Variants in XKR4 observed in about 807,000 individuals in gnomAD.
The protein encoded by XKR4 is XK-related protein 4.
Under a neutral mutation model 53.9 loss-of-function variants are expected in XKR4, and 12 were observed. The observed-to-expected ratio is 0.22, with a 90% confidence interval of 0.14 to 0.36. The LOEUF is 0.36. XKR4 is among the 10% of genes least tolerant of loss of function. The probability of loss-of-function intolerance (pLI) is 1.00; values close to 1 mark genes in which losing one functional copy is unlikely to be tolerated. For missense variants in XKR4, 799 were observed against 859.5 expected (o/e 0.93, Z 0.88); for synonymous variants, 354 against 362.4 (o/e 0.98, Z 0.26).
chr8:55,265,889 G>A lies in XKR4; in HGVS notation c.807-91789G>A, dbSNP rs1818593098. On this transcript the variant is annotated intron_variant, in intron 1 of 2. Transcript: ENST00000327381. Reference sequence around the variant, plus strand: ...AGTCCCAGCTACTTGGGAGGCTGAGGCAGGAGAATCGCTTGAACCTGGGAG... The same window carrying A: ...AGTCCCAGCTACTTGGGAGGCTGAGACAGGAGAATCGCTTGAACCTGGGAG... Among the ~76,000 whole-genome samples the A allele has an allele frequency of 2.0e-5, 3 of 151,854 alleles. No individual in the cohort carries two copies. In the South Asian group the frequency reaches 6.2e-4, roughly 32 times the overall value.
intron 2 of XKR4, among the ~76,000 whole-genome samples, chr8:55,480,994 A>G (rs537174907): frequency 5.2e-4 from 79 of 152,332 alleles, no homozygotes; most frequent in Non-Finnish European, 9.4e-4. Flanking sequence ...TATAGATTCA[A>G]TGCCATCCCC....
chr8:55,425,204 A>G (rs774297629), intron 2 of XKR4, among the ~76,000 whole-genome samples: 4 of 152,230 alleles, frequency 2.6e-5, no homozygotes, highest in Non-Finnish European at 5.9e-5. Context: ...CCCTGGAGGC[A>G]CACAGTTGGC....
intron 2 of XKR4, among the ~76,000 whole-genome samples, chr8:55,472,375 T>G (rs1376850644): frequency 1.3e-5 from 2 of 152,158 alleles, no homozygotes; most frequent in Non-Finnish European, 2.9e-5. Flanking sequence ...AAATGCAAAT[T>G]CAGTCAGATA....
intron 2 of XKR4, among the ~76,000 whole-genome samples, chr8:55,418,094 A>G (rs1248302725): frequency 1.3e-5 from 2 of 152,230 alleles, no homozygotes; most frequent in Non-Finnish European, 2.9e-5. Flanking sequence ...TTCTTGCTAC[A>G]GAGGCCTCAG....
chr8:55,482,717 T>A (rs1300253495), intron 2 of XKR4, among the ~76,000 whole-genome samples: 2 of 152,198 alleles, frequency 1.3e-5, no homozygotes, highest in Non-Finnish European at 2.9e-5. Flanking sequence ...GAGTCCAATA[T>A]ACACTCAAAG....
intron 1 of XKR4, among the ~76,000 whole-genome samples, chr8:55,299,114 A>G (rs906273417): frequency 1.3e-5 from 2 of 152,168 alleles, no homozygotes; most frequent in Admixed American, 6.5e-5. Context: ...CGTTTTCGTC[A>G]GTCTGGAATA....
In XKR4 at chr8:55,532,933, T is replaced by G. The variant is rs1806976018; in HGVS notation, c.*8706T>G. 3 of 152,174 alleles carry G rather than the reference T, an allele frequency of 2.0e-5. No homozygotes were observed. The highest frequency in any genetic ancestry group is 4.4e-5 in the Non-Finnish European group (3 of 68,030). 9.4% of individuals were successfully genotyped at this position (152,174 alleles called of 1,614,324 possible). On this transcript the variant is annotated 3_prime_UTR_variant, in exon 3 of 3. Coordinates refer to ENST00000327381, the MANE Select transcript of XKR4 (RefSeq NM_052898.2). ...TATATTAAAACAGATTTAATCAAAT[T>G]ATTACTTAAGTACTACAAATGTTAT...
At chr8:55,138,091 G>A (rs943908464) in intron 1 of XKR4, among the ~76,000 whole-genome samples, 10 of 152,098 alleles carry the variant, frequency 6.6e-5, no homozygotes, top group African/African-American at 1.4e-4. Flanking sequence ...TGACTTTGGC[G>A]TTCTACAATG....
intron 2 of XKR4, among the ~76,000 whole-genome samples, chr8:55,490,164 A>G (rs1806251458): frequency 6.6e-6 from 1 of 152,192 alleles, no homozygotes; most frequent in Non-Finnish European, 1.5e-5. Flanking sequence ...ATTTCTTATG[A>G]GATCATTTAT....
intron 1 of XKR4, among the ~76,000 whole-genome samples, chr8:55,257,735 T>G (rs192264902): frequency 4.5e-4 from 69 of 152,366 alleles, no homozygotes; most frequent in Middle Eastern, 3.4e-3. Context: ...GAACTGATAC[T>G]GTGGCTTTTC....
At chr8:55,184,231 G>T (rs1309544660) in intron 1 of XKR4, among the ~76,000 whole-genome samples, 2 of 152,104 alleles carry the variant, frequency 1.3e-5, no homozygotes, top group African/African-American at 4.8e-5. Context: ...ATCTTGGTTG[G>T]TTGCTGTCCA....
At chr8:55,443,750 G>T (rs937950182) in intron 2 of XKR4, among the ~76,000 whole-genome samples, 1 of 150,176 alleles carries the variant, frequency 6.7e-6, no homozygotes, top group East Asian at 1.9e-4. Flanking sequence ...CTGAGGCAAG[G>T]GAATCACTTG....
At chr8:55,232,289 C>T (rs1036859204) in intron 1 of XKR4, among the ~76,000 whole-genome samples, 5 of 152,188 alleles carry the variant, frequency 3.3e-5, no homozygotes, top group African/African-American at 9.7e-5. Flanking sequence ...AGGAAGAGGC[C>T]ATTAGCTGGG....
At chr8:55,131,032 G>A (rs569012825) in intron 1 of XKR4, among the ~76,000 whole-genome samples, 6 of 152,044 alleles carry the variant, frequency 3.9e-5, no homozygotes, top group African/African-American at 1.2e-4. Context: ...GATGGTGCAC[G>A]CCGGTAATCC....
intron 2 of XKR4, among the ~76,000 whole-genome samples, chr8:55,518,711 A>G (rs998178395): frequency 3.3e-5 from 5 of 152,188 alleles, no homozygotes; most frequent in African/African-American, 1.2e-4. Context: ...GGGAGTCCAG[A>G]TGGGCATTTG....
intron 1 of XKR4, among the ~76,000 whole-genome samples, chr8:55,143,384 C>A (rs1010596739): frequency 6.6e-6 from 1 of 152,114 alleles, no homozygotes; most frequent in East Asian, 1.9e-4. Context: ...AAAATTATCT[C>A]ACATCTGATA....
chr8:55,395,174 G>A lies in XKR4; in HGVS notation c.1006+37297G>A, dbSNP rs186288046. On this transcript the variant is annotated intron_variant, in intron 2 of 2. Coordinates refer to ENST00000327381, the MANE Select transcript of XKR4 (RefSeq NM_052898.2). The stretch of plus-strand genomic sequence containing the variant: ...TGAGGAGCTTTATGAAGTGATTTTG[G>A]GAGAAGGAAAGGAAAGTTAGGAATT... Among the ~76,000 whole-genome samples, 3 of 152,158 alleles carry A rather than the reference G, an allele frequency of 2.0e-5. No individual in the cohort carries two copies. In the East Asian group the frequency reaches 5.8e-4, roughly 29 times the overall value.
At chr8:55,142,049 C>T in intron 1 of XKR4, 2 of 455,250 alleles carry the variant, frequency 4.4e-6, no homozygotes, top group South Asian at 3.1e-5. Context: ...AGCCCTGCCA[C>T]CCCCAACAGC....
chr8:55,312,746 C>T (rs16921586), intron 1 of XKR4, among the ~76,000 whole-genome samples: 36,843 of 151,886 alleles, frequency 0.24, 4,918 homozygotes, highest in East Asian at 0.53. Context: ...TATTCTTTTC[C>T]TCTTTTGGGT....
Sources: gnomAD v4.1 joint callset for allele counts (sites outside exome capture counted in the v4.1 genomes callset) on GRCh38, gnomAD v4.1.1 for gene constraint, MANE v1.5 for transcripts, NCBI Gene and HGNC (gene_info 2026-07-23, HGNC 2026-07-21) for gene names.